SHANK2: variants seen among roughly 807,000 people sequenced by gnomAD.
The protein encoded by SHANK2 is SH3 and multiple ankyrin repeat domains 2.
A neutral mutation model predicts 133.7 loss-of-function variants in SHANK2; 43 were observed. The ratio of observed to expected loss-of-function variants is 0.32; its 90% confidence interval spans 0.25 to 0.41. SHANK2 has a LOEUF of 0.41. Among genes scored for constraint, SHANK2 ranks in the 10% least tolerant of loss-of-function variants. The pLI is 1.00. For missense variants in SHANK2, 1,994 were observed against 2,235.8 expected, an observed-to-expected ratio of 0.89 and a Z score of 2.18; for synonymous variants, 1,017 against 952.8, an observed-to-expected ratio of 1.07 and a Z score of -1.24.
intron 12 of SHANK2, among the ~76,000 whole-genome samples, chr11:70,808,304 C>T (rs567927393): frequency 5.9e-5 from 9 of 152,002 alleles, no homozygotes; most frequent in African/African-American, 2.2e-4. Context: ...CAGGTTCAAG[C>T]GATTCTCCTG....
intron 14 of SHANK2, among the ~76,000 whole-genome samples, chr11:70,793,098 A>G (rs907061240): frequency 2.0e-5 from 3 of 152,222 alleles, no homozygotes; most frequent in African/African-American, 7.2e-5. Flanking sequence ...GAAGAAAAAA[A>G]GAATAATTTG....
At chr11:70,872,341 A>T (rs1258071025) in intron 11 of SHANK2, 2 of 154,472 alleles carry the variant, frequency 1.3e-5, no homozygotes, top group African/African-American at 2.4e-5. Flanking sequence ...ATGAGTGAAG[A>T]CAGAGTTCCC....
chr11:70,846,544 C>T (rs936240548), intron 11 of SHANK2, among the ~76,000 whole-genome samples: 21 of 152,188 alleles, frequency 1.4e-4, no homozygotes, highest in Non-Finnish European at 2.2e-4. Context: ...ACATGAGCTG[C>T]TGCGCTCGGC....
At chr11:71,071,567 C>A (rs1234471268) in intron 9 of SHANK2, among the ~76,000 whole-genome samples, 2 of 152,222 alleles carry the variant, frequency 1.3e-5, no homozygotes, top group Non-Finnish European at 2.9e-5. Context: ...CAAAGGGCTG[C>A]AGAGAAAAAT....
At position 70,868,065 on chromosome 11, in the gene SHANK2, C is replaced by A. The variant is rs551125043; in HGVS notation, c.1174+28436G>T. On this transcript the variant is annotated intron_variant, in intron 11 of 25. Coordinates refer to ENST00000601538, the MANE Select transcript of SHANK2 (RefSeq NM_012309.5). ...AAATAATGTACGCCGTCACCAAGGG[C>A]CCGGCGCTGGCAGTAAGTGTCTAAA... 2.6e-5 allele frequency among the ~76,000 whole-genome samples: 4 copies of A among 152,358 alleles called. No homozygotes were observed. The East Asian group carries it at 7.7e-4, about 29-fold the overall frequency.
intron 11 of SHANK2, among the ~76,000 whole-genome samples, chr11:70,846,366 C>T (rs1484943228): frequency 3.3e-5 from 5 of 151,982 alleles, no homozygotes; most frequent in East Asian, 3.9e-4. Flanking sequence ...CAGGCTCAAG[C>T]GATCCTCCTG....
chr11:70,473,304 T>A lies in SHANK2; in HGVS notation c.5115A>T (p.Arg1705Ser), dbSNP rs1555149229. 1.2e-6 allele frequency: 2 copies of A among 1,613,908 alleles called. No homozygotes were observed. The highest frequency in any genetic ancestry group is 1.1e-5 in the South Asian group (1 of 91,064). The change falls in exon 26 of 26, where the codon AGA becomes AGT. Residue 1705 changes from arginine to serine, a missense_variant. This residue lies in a region of SHANK2 where 797 missense variants were observed against 907.4 expected (regional missense o/e 0.88). Transcript: ENST00000601538. This position sits in a 1 kb window ranked among gnomAD's most constrained non-coding sequence, Gnocchi z 5.9. ...PDYESRTSGT[R>S]RAPSPVVSPT... ...GCGAGACCACAGGGCTTGGGGCACG[T>A]CTTGTTCCTGAGGTCCTGCTTTCAT...
At chr11:70,549,783 C>T (rs1331024630) in intron 17 of SHANK2, among the ~76,000 whole-genome samples, 2 of 152,276 alleles carry the variant, frequency 1.3e-5, no homozygotes, top group African/African-American at 4.8e-5. Context: ...TTAACACCGA[C>T]ACAGGTGCTC....
rs1951202188 is a variant in SHANK2 at position 71,075,136 on chromosome 11, CTTTAAA to C, written c.1029+17_1029+22del. On this transcript the variant is annotated intron_variant, in intron 9 of 25. Transcript: ENST00000601538. The stretch of plus-strand genomic sequence containing the variant: ...AATGGACCACTGTATACATTATTTC[CTTTAAA>C]TGCGCTCAGCACTCACCTGGTTGTA... The C allele has an allele frequency of 5.4e-6, 1 of 185,884 alleles. No individual in the cohort carries two copies. Among genetic ancestry groups the C allele is most frequent in the Admixed American group, 6.2e-5 (1 of 16,230 alleles). The allele number at this position is 185,884 out of a possible 1,614,324, so 11.5% of individuals were successfully genotyped here.
intron 17 of SHANK2, among the ~76,000 whole-genome samples, chr11:70,658,133 C>T (rs2061426981): frequency 6.6e-6 from 1 of 150,704 alleles, no homozygotes; most frequent in South Asian, 2.1e-4. Flanking sequence ...CCCACCCTGC[C>T]TGTCACACGT....
At chr11:70,631,332 A>C (rs1320569616) in intron 17 of SHANK2, 1 of 150,652 alleles carries the variant, frequency 6.6e-6, no homozygotes, top group Non-Finnish European at 1.5e-5. Context: ...AGAATCTGGG[A>C]GGAGCCTGCT....
chr11:71,085,887 T>TG (rs1951393814), intron 8 of SHANK2, among the ~76,000 whole-genome samples: 2 of 32,352 alleles, frequency 6.2e-5, no homozygotes, highest in Non-Finnish European at 1.3e-4. Context: ...TTATATAACC[T>TG]TAATATATAT....
intron 17 of SHANK2, among the ~76,000 whole-genome samples, chr11:70,572,642 G>A (rs2060059899): frequency 6.6e-6 from 1 of 152,182 alleles, no homozygotes; most frequent in Non-Finnish European, 1.5e-5. Flanking sequence ...GGGATGGTTG[G>A]CAAGAATAAG....
chr11:70,803,947 G>A (rs375678827), intron 13 of SHANK2, among the ~76,000 whole-genome samples: 6 of 152,116 alleles, frequency 3.9e-5, no homozygotes, highest in East Asian at 3.9e-4. Context: ...TACTGGGAAC[G>A]TCAACCCCTT....
Position 70,857,693 on chromosome 11 carries a change from C to T in SHANK2, c.1175-37011G>A, listed in dbSNP as rs185510173. On this transcript the variant is annotated intron_variant, in intron 11 of 25. Coordinates refer to ENST00000601538, the MANE Select transcript of SHANK2 (RefSeq NM_012309.5). ...CCACCTCTTGCTATTAGGGGCATCA[C>T]GGAGCACAAGGGGAGATCTAAGCCC... Among the ~76,000 whole-genome samples the T allele has an allele frequency of 6.6e-4, 100 of 152,268 alleles. 1 individual carries two copies. Among genetic ancestry groups the T allele is most frequent in the African/African-American group, 2.3e-3 (94 of 41,564 alleles).
chr11:71,131,356 CG>C (rs1797644381), intron 3 of SHANK2, among the ~76,000 whole-genome samples: 1 of 152,118 alleles, frequency 6.6e-6, no homozygotes, highest in South Asian at 2.1e-4. Flanking sequence ...ACAGCCTAGT[CG>C]GGGGGTGCTG....
intron 2 of SHANK2, among the ~76,000 whole-genome samples, chr11:71,221,739 T>C (rs1182554587): frequency 6.6e-5 from 10 of 152,068 alleles, no homozygotes; most frequent in Admixed American, 6.5e-4. Context: ...GAGGGCAATT[T>C]TCCAGTTTTT....
intron 17 of SHANK2, among the ~76,000 whole-genome samples, chr11:70,640,787 G>A (rs933030641): frequency 2.0e-5 from 3 of 152,252 alleles, no homozygotes; most frequent in Non-Finnish European, 4.4e-5. Flanking sequence ...GAAAGCCTCA[G>A]TTTACTCATC....
chr11:70,573,797 T>C (rs1317048542), intron 17 of SHANK2, among the ~76,000 whole-genome samples: 3 of 152,196 alleles, frequency 2.0e-5, no homozygotes, highest in African/African-American at 7.2e-5. Context: ...CACTTTTATG[T>C]TCTGTCTGAC....
Sources: allele counts gnomAD v4.1 joint callset (sites outside exome capture counted in the v4.1 genomes callset), GRCh38; gene constraint gnomAD v4.1.1; regional missense constraint gnomAD v4.1.1; non-coding constraint Gnocchi (gnomAD v3.1); transcripts MANE v1.5; gene names NCBI Gene and HGNC (gene_info 2026-07-23, HGNC 2026-07-21).